Variants in UNC5A observed in about 807,000 individuals in gnomAD.
UNC5A encodes the protein unc-5 netrin receptor A.
A neutral mutation model predicts 87.4 loss-of-function variants in UNC5A; 20 were observed. That is an observed-to-expected ratio of 0.23 (90% CI 0.16 to 0.33). UNC5A has a LOEUF of 0.33. UNC5A is among the 10% of genes least tolerant of loss of function. The pLI, the probability that UNC5A is intolerant of heterozygous loss-of-function variation, is 1.00. For synonymous variants in UNC5A, 438 were observed against 482.3 expected, an observed-to-expected ratio of 0.91 and a Z score of 1.20; for missense variants, 844 against 1,133.4, an observed-to-expected ratio of 0.74 and a Z score of 3.67.
chr5:176,879,708 C>G lies in UNC5A; in HGVS notation c.2364-13C>G, dbSNP rs749076375. 1.2e-6 allele frequency: 2 copies of G among 1,611,170 alleles called. No homozygotes were observed. Among genetic ancestry groups the G allele is most frequent in the South Asian group, 1.1e-5 (1 of 90,926 alleles). On this transcript the variant is annotated splice_polypyrimidine_tract_variant and intron_variant, in intron 14 of 14. Coordinates refer to ENST00000329542, the MANE Select transcript of UNC5A (RefSeq NM_133369.3). ...CCAGGCCAGGCTGCTGACGGCCCCC[C>G]TCCCCTCCACAGCCATCTCAGCTTC... is the stretch of plus-strand genomic sequence containing the variant.
In UNC5A at chr5:176,874,384, T is replaced by C; in HGVS notation, c.1196T>C (p.Leu399Pro). ...AAGTTCCAGCTCACCAATGGGCACC[T>C]GCTCAGCCCCCTGGGTGGCGGCCGC... ...SPKFQLTNGH[L>P]LSPLGGGRHT... Residue 399 changes from leucine to proline, a missense_variant, in exon 8 of 15, where the codon CTG becomes CCG. Transcript: ENST00000329542. This position sits in a 1 kb window ranked among gnomAD's most constrained non-coding sequence, Gnocchi z 7.6. 1 of 1,613,746 alleles carries C rather than the reference T, an allele frequency of 6.2e-7. No homozygotes were observed. Among genetic ancestry groups the C allele is most frequent in the Non-Finnish European group, 8.5e-7 (1 of 1,179,940 alleles).
At chr5:176,846,694 G>A (rs1162392932) in intron 1 of UNC5A, among the ~76,000 whole-genome samples, 1 of 152,184 alleles carries the variant, frequency 6.6e-6, no homozygotes, top group Admixed American at 6.5e-5. Context: ...CTCTAGAGAG[G>A]GGCCAGGCCT....
Position 176,875,881 on chromosome 5 carries a change from C to T in UNC5A, c.1379-1311C>T, listed in dbSNP as rs555140939. On this transcript the variant is annotated intron_variant, in intron 8 of 14. Coordinates refer to ENST00000329542, the MANE Select transcript of UNC5A (RefSeq NM_133369.3). The surrounding 1 kb of genome is among the most constrained non-coding windows in gnomAD (Gnocchi z 5.2). The stretch of plus-strand genomic sequence containing the variant: ...TGGGTCCCCGCCTGACAGCTCTTGC[C>T]GTCTGTGCCTCACGTCCACACGGAT... Among the ~76,000 whole-genome samples, 4 of 152,342 alleles carry T rather than the reference C, an allele frequency of 2.6e-5. No homozygotes were observed. The highest frequency in any genetic ancestry group is 1.9e-4 in the East Asian group (1 of 5,168).
rs690781 is a variant in UNC5A at position 176,844,075 on chromosome 5, C to A, written c.71-18549C>A. Among the ~76,000 whole-genome samples the A allele has an allele frequency of 6.6e-6, 1 of 151,988 alleles. No homozygotes were observed. Among genetic ancestry groups the A allele is most frequent in the Non-Finnish European group, 1.5e-5 (1 of 67,992 alleles). On this transcript the variant is annotated intron_variant, in intron 1 of 14. Transcript: ENST00000329542. This position sits in a 1 kb window ranked among gnomAD's most constrained non-coding sequence, Gnocchi z 4.2. Reference sequence around the variant, plus strand: ...GACAGGAGGCAGGGGACGGGGAGGACGAGGAGGAGGGGCCCTGAGACATGG... The same window carrying A: ...GACAGGAGGCAGGGGACGGGGAGGAAGAGGAGGAGGGGCCCTGAGACATGG...
chr5:176,820,819 G>A (rs1438329410), intron 1 of UNC5A, among the ~76,000 whole-genome samples: 1 of 152,168 alleles, frequency 6.6e-6, no homozygotes. Flanking sequence ...ATTTTGGGGG[G>A]CCCTTCATCC....
At chr5:176,845,685 C>A (rs1315719396) in intron 1 of UNC5A, among the ~76,000 whole-genome samples, 1 of 152,222 alleles carries the variant, frequency 6.6e-6, no homozygotes, top group Non-Finnish European at 1.5e-5. Context: ...AGCTTCCCCT[C>A]TAGTTCCAGG....
In UNC5A at chr5:176,870,528, G is replaced by A; in HGVS notation, c.880G>A (p.Val294Ile). The A allele has an allele frequency of 6.3e-7, 1 of 1,590,400 alleles. No homozygotes were observed. The highest frequency in any genetic ancestry group is 8.6e-7 in the Non-Finnish European group (1 of 1,163,754). The change falls in exon 6 of 15, where the codon GTA becomes ATA. Residue 294 changes from valine to isoleucine, a missense_variant. Val to Ile is a conservative substitution (Grantham distance 29, BLOSUM62 3). This residue lies in a region of UNC5A where 314 missense variants were observed against 466.5 expected (regional missense o/e 0.67). Transcript: ENST00000329542. ...DTRNCTSDLC[V>I]HTASGPEDVA... Reference sequence around the variant, plus strand: ...CCGCAACTGTACCAGTGACCTCTGTGTACACAGTGAGTCCTCTCTGCCCTG... The same window carrying A: ...CCGCAACTGTACCAGTGACCTCTGTATACACAGTGAGTCCTCTCTGCCCTG...
At chr5:176,876,251 G>A (rs149644731) in intron 8 of UNC5A, among the ~76,000 whole-genome samples, 6 of 152,356 alleles carry the variant, frequency 3.9e-5, no homozygotes, top group African/African-American at 1.4e-4. Context: ...CTGGGACCGC[G>A]GGGCAGTGCA....
chr5:176,830,826 ATGTATGTGCTGGCATG>A (rs1303297851), intron 1 of UNC5A, among the ~76,000 whole-genome samples: 2 of 64,902 alleles, frequency 3.1e-5, no homozygotes. Context: ...GTGCGCTGGC[ATGTATGTGCTGGCATG>A]TGTGTGTGCT....
At chr5:176,831,885 CTTTTTTTTTTTTT>C (rs10580672) in intron 1 of UNC5A, among the ~76,000 whole-genome samples, 39 of 27,700 alleles carry the variant, frequency 1.4e-3, no homozygotes, top group South Asian at 2.9e-3. Context: ...TTCTCTCTCT[CTTTTTTTTTTTTT>C]TTTTTTTTTT....
intron 1 of UNC5A, among the ~76,000 whole-genome samples, chr5:176,850,915 TGTGCTCCCAGGACTTCCCA>T (rs1413739195): frequency 8.6e-5 from 13 of 151,938 alleles, no homozygotes; most frequent in African/African-American, 2.4e-4. Context: ...TTCTGGAGGC[TGTGCTCCCAGGACTTCCCA>T]GTGCTCCCAG....
chr5:176,853,310 G>A (rs530503733), intron 1 of UNC5A, among the ~76,000 whole-genome samples: 270 of 152,358 alleles, frequency 1.8e-3, no homozygotes, highest in South Asian at 4.8e-3. Context: ...TGTGAGCAGT[G>A]GCCGGGGCGG....
chr5:176,845,040 C>T (rs1317541871), intron 1 of UNC5A, among the ~76,000 whole-genome samples: 6 of 152,192 alleles, frequency 3.9e-5, no homozygotes, highest in Non-Finnish European at 7.3e-5. Flanking sequence ...CTGGCTGCAC[C>T]GCCATCTACT....
chr5:176,864,963 G>A (rs1046351354), intron 2 of UNC5A: 2 of 386,366 alleles, frequency 5.2e-6, no homozygotes, highest in South Asian at 3.7e-5. Context: ...TGCTGGGAGG[G>A]TCTGCAGGAG....
At chr5:176,831,166 G>GA (rs1757013364) in intron 1 of UNC5A, among the ~76,000 whole-genome samples, 1 of 152,096 alleles carries the variant, frequency 6.6e-6, no homozygotes, top group Non-Finnish European at 1.5e-5. Flanking sequence ...TCGTTCTGCA[G>GA]AAGCAACATC....
In UNC5A at chr5:176,877,664, C is replaced by T; in HGVS notation, c.1596C>T (p.Ser532=). The change falls in exon 10 of 15, where the codon AGC becomes AGT. Residue 532 remains serine (S), a synonymous_variant. Transcript: ENST00000329542. ...HCGEPSPDSW[S]LRLKKQSCEG... ...GGGAGCCCAGCCCTGACAGCTGGAGCCTGCGCCTCAAAAAGCAGTCGTGCG... is the reference window on the plus strand; with the variant it reads ...GGGAGCCCAGCCCTGACAGCTGGAGTCTGCGCCTCAAAAAGCAGTCGTGCG... The T allele has an allele frequency of 6.2e-7, 1 of 1,610,108 alleles. No homozygotes were observed. The highest frequency in any genetic ancestry group is 1.3e-5 in the African/African-American group (1 of 74,996).
At chr5:176,877,408 C>A in intron 9 of UNC5A, 127 bp from the exon 10 acceptor site, 2 of 1,337,124 alleles carry the variant, frequency 1.5e-6, no homozygotes, top group Non-Finnish European at 2.1e-6. Context: ...ATGCCTAAGC[C>A]CCACGTGGTC....
chr5:176,813,208 C>T (rs1581238587), intron 1 of UNC5A, among the ~76,000 whole-genome samples: 1 of 152,226 alleles, frequency 6.6e-6, no homozygotes, highest in African/African-American at 2.4e-5. Context: ...CATGCAAACC[C>T]CCACCCTGCC....
At position 176,877,697 on chromosome 5, in the gene UNC5A, C is replaced by G; in HGVS notation, c.1629C>G (p.Ser543Arg). The part of the protein sequence containing the change: ...LRLKKQSCEG[S>R]WEDVLHLGEE... ...TCAAAAAGCAGTCGTGCGAGGGCAGCTGGGAGGTGAGCAGGGAACTGACCC... is the reference window on the plus strand; with the variant it reads ...TCAAAAAGCAGTCGTGCGAGGGCAGGTGGGAGGTGAGCAGGGAACTGACCC... The change falls in exon 10 of 15, where the codon AGC (serine) becomes AGG (arginine). Residue 543 changes from serine (S) to arginine (R), a missense_variant. Coordinates refer to ENST00000329542, the MANE Select transcript of UNC5A (RefSeq NM_133369.3). 6.2e-7 allele frequency: 1 copy of G among 1,600,378 alleles called. No homozygotes were observed. The highest frequency in any genetic ancestry group is 8.5e-7 in the Non-Finnish European group (1 of 1,171,842).
Sources: gnomAD v4.1 joint callset for allele counts (sites outside exome capture counted in the v4.1 genomes callset) on GRCh38, gnomAD v4.1.1 for gene constraint, gnomAD v4.1.1 regional missense constraint, Gnocchi (gnomAD v3.1) non-coding constraint, MANE v1.5 for transcripts, NCBI Gene and HGNC (gene_info 2026-07-23, HGNC 2026-07-21) for gene names.